BAALC: variants seen among roughly 807,000 people sequenced by gnomAD.
BAALC encodes the protein brain and acute leukemia cytoplasmic protein.
Under a neutral mutation model 15.5 loss-of-function variants are expected in BAALC, and 9 were observed. That is an observed-to-expected ratio of 0.58 (90% CI 0.35 to 1.02). The LOEUF (loss-of-function observed/expected upper bound fraction) is 1.02, where lower values mean the gene tolerates loss of function less well. Ranked by LOEUF, BAALC falls within the 50% of genes least tolerant of loss-of-function variation. The pLI is 0.02. For synonymous variants in BAALC, 80 were observed against 74.6 expected (o/e 1.07, Z -0.37); for missense variants, 201 against 192.4 (o/e 1.04, Z -0.27).
chr8:103,207,484 T>C (rs1642038882), intron 1 of BAALC, among the ~76,000 whole-genome samples: 2 of 152,174 alleles, frequency 1.3e-5, no homozygotes, highest in Non-Finnish European at 2.9e-5. Context: ...GGCTAGTTAG[T>C]AAAGCTTGTT....
intron 1 of BAALC, among the ~76,000 whole-genome samples, chr8:103,149,785 A>G (rs1352680448): frequency 6.6e-6 from 1 of 152,170 alleles, no homozygotes; most frequent in Admixed American, 6.5e-5. Context: ...TTCTTTCAAT[A>G]CTGGGCAAAT....
chr8:103,178,324 T>C (rs1313273106), intron 1 of BAALC, among the ~76,000 whole-genome samples: 1 of 152,104 alleles, frequency 6.6e-6, no homozygotes, highest in Non-Finnish European at 1.5e-5. Flanking sequence ...GTTGCAGTGG[T>C]GGATAAGTAA....
chr8:103,180,299 G>T (rs1188651309), intron 1 of BAALC, among the ~76,000 whole-genome samples: 1 of 152,202 alleles, frequency 6.6e-6, no homozygotes, highest in Non-Finnish European at 1.5e-5. Context: ...ACTGTTAGTG[G>T]TCACTATGGT....
At chr8:103,204,975 G>A (rs1812296277) in intron 1 of BAALC, among the ~76,000 whole-genome samples, 1 of 152,178 alleles carries the variant, frequency 6.6e-6, no homozygotes, top group African/African-American at 2.4e-5. Flanking sequence ...GGACCTGAGA[G>A]CCCAGACAGT....
At chr8:103,200,778 C>A (rs1269655902) in intron 1 of BAALC, 2 of 681,016 alleles carry the variant, frequency 2.9e-6, no homozygotes, top group Non-Finnish European at 5.4e-6. Flanking sequence ...TCAATGAGCT[C>A]CCTTCAACCT....
chr8:103,201,121 A>ATATC (rs1563651885), intron 1 of BAALC, among the ~76,000 whole-genome samples: 1 of 152,070 alleles, frequency 6.6e-6, no homozygotes, highest in Non-Finnish European at 1.5e-5. Flanking sequence ...GTGGAAAGAG[A>ATATC]TCAGGCTACA....
At chr8:103,153,949 C>A (rs1811034322) in intron 1 of BAALC, among the ~76,000 whole-genome samples, 1 of 152,180 alleles carries the variant, frequency 6.6e-6, no homozygotes, top group African/African-American at 2.4e-5. Flanking sequence ...ACCGCCTGTG[C>A]ACCCTTCCTA....
At chr8:103,223,094 C>T (rs140228439) in intron 2 of BAALC, among the ~76,000 whole-genome samples, 3 of 152,096 alleles carry the variant, frequency 2.0e-5, no homozygotes, top group African/African-American at 4.8e-5. Context: ...GGGTGGACCA[C>T]AAGGTCAGGA....
chr8:103,191,452 G>C (rs1451013146), intron 1 of BAALC: 7 of 152,022 alleles, frequency 4.6e-5, no homozygotes, highest in Admixed American at 4.6e-4. Flanking sequence ...TATCTCTGCA[G>C]GGTGATCCAG....
At chr8:103,201,470 C>T (rs574331926) in intron 1 of BAALC, among the ~76,000 whole-genome samples, 4 of 152,328 alleles carry the variant, frequency 2.6e-5, no homozygotes, top group East Asian at 3.9e-4. Flanking sequence ...CTGTGTCACA[C>T]GGAAGAGGAA....
At chr8:103,149,433 G>C (rs1810938426) in intron 1 of BAALC, among the ~76,000 whole-genome samples, 1 of 152,096 alleles carries the variant, frequency 6.6e-6, no homozygotes, top group Non-Finnish European at 1.5e-5. Context: ...ATTTTTTTCT[G>C]GTTTCAAATG....
At chr8:103,184,451 GT>G (rs1284131608) in intron 1 of BAALC, among the ~76,000 whole-genome samples, 1 of 152,218 alleles carries the variant, frequency 6.6e-6, no homozygotes, top group African/African-American at 2.4e-5. Flanking sequence ...GTGGCAGACA[GT>G]GTTAGGTACT....
At chr8:103,176,052 C>G (rs1811599580) in intron 1 of BAALC, among the ~76,000 whole-genome samples, 1 of 151,996 alleles carries the variant, frequency 6.6e-6, no homozygotes, top group Admixed American at 6.6e-5. Flanking sequence ...CCACTGAGTC[C>G]CAGACTTTTG....
At chr8:103,173,385 T>G (rs1009498740) in intron 1 of BAALC, among the ~76,000 whole-genome samples, 24 of 152,202 alleles carry the variant, frequency 1.6e-4, no homozygotes, top group Non-Finnish European at 1.9e-4. Flanking sequence ...ATATCTTCCT[T>G]TTTTCACACT....
chr8:103,144,709 C>T (rs952601555), intron 1 of BAALC, among the ~76,000 whole-genome samples: 2 of 152,168 alleles, frequency 1.3e-5, no homozygotes, highest in Non-Finnish European at 2.9e-5. Context: ...TTCTAAAGGA[C>T]TTGTACTTTA....
chr8:103,179,739 G>T (rs1314034143), intron 1 of BAALC, among the ~76,000 whole-genome samples: 1 of 152,260 alleles, frequency 6.6e-6, no homozygotes, highest in Non-Finnish European at 1.5e-5. Context: ...CTCACAGCCA[G>T]GTGATGGCTA....
At chr8:103,149,146 C>T (rs1810930982) in intron 1 of BAALC, among the ~76,000 whole-genome samples, 1 of 143,084 alleles carries the variant, frequency 7.0e-6, no homozygotes, top group Non-Finnish European at 1.5e-5. Flanking sequence ...TTGTGCTGTG[C>T]TGCTAAGCAC....
chr8:103,141,163 G>A (rs964149647), intron 1 of BAALC, 106 bp downstream of exon 1: 63 of 1,279,956 alleles, frequency 4.9e-5, no homozygotes, highest in Admixed American at 8.1e-5. Context: ...TGGCGCGGCG[G>A]GGGTGGCTGG....
intron 1 of BAALC, among the ~76,000 whole-genome samples, chr8:103,169,398 A>G (rs1041239802): frequency 6.6e-6 from 1 of 151,942 alleles, no homozygotes; most frequent in African/African-American, 2.4e-5. Flanking sequence ...CACCCCGTCT[A>G]TTTTGTTGGT....
Sources: allele counts gnomAD v4.1 joint callset (sites outside exome capture counted in the v4.1 genomes callset), GRCh38; gene constraint gnomAD v4.1.1; transcripts MANE v1.5; gene names NCBI Gene and HGNC (gene_info 2026-07-23, HGNC 2026-07-21).